Variants in FGFR3 observed in about 807,000 individuals in gnomAD.
FGFR3 encodes the protein fibroblast growth factor receptor 3, also known as FGFR-3.
FGFR3 carries 25 observed loss-of-function variants against 82.9 expected under a neutral mutation model. The observed-to-expected ratio is 0.30, with a 90% CI of 0.22 to 0.42. FGFR3 has a LOEUF of 0.42. Ranked by LOEUF, FGFR3 falls within the 10% of genes least tolerant of loss-of-function variation. FGFR3 has a pLI of 1.00. For missense variants in FGFR3, 1,026 were observed against 1,161.0 expected (o/e 0.88, Z 1.69); for synonymous variants, 620 against 516.0 (o/e 1.20, Z -2.73).
At chr4:1,795,698 C>T (rs968964059) in intron 2 of FGFR3, among the ~76,000 whole-genome samples, 29 of 152,176 alleles carry the variant, frequency 1.9e-4, no homozygotes, top group Admixed American at 1.9e-3. Flanking sequence ...CCCCCATCTC[C>T]CCAGGGGGCC....
chr4:1,795,043 A>G (rs1021617632), intron 2 of FGFR3, among the ~76,000 whole-genome samples: 3 of 151,542 alleles, frequency 2.0e-5, no homozygotes, highest in Admixed American at 6.6e-5. Flanking sequence ...GGGCCGAGGC[A>G]GATGGCGTCC....
Position 1,808,636 on chromosome 4 carries a change from T to TG in FGFR3, c.*1375dup, listed in dbSNP as rs953414840. Reference sequence around the variant, plus strand: ...GCTTCTAGAGTTTTATAGCCTGGACTGCTACCTTTCAAAGCTTGGAGGGAA... The same window carrying TG: ...GCTTCTAGAGTTTTATAGCCTGGACTGGCTACCTTTCAAAGCTTGGAGGGAA... On this transcript the variant is annotated 3_prime_UTR_variant, in exon 18 of 18. Transcript: ENST00000440486. 2 of 231,730 alleles carry TG rather than the reference T, an allele frequency of 8.6e-6. No individual in the cohort carries two copies. The highest frequency in any genetic ancestry group is 1.7e-5 in the Non-Finnish European group (2 of 116,914). The allele number at this position is 231,730 out of a possible 1,614,324, so 14.4% of individuals were successfully genotyped here. A position where few individuals can be genotyped will look rare whatever the true frequency, so the allele number is the denominator to read the frequency against.
At chr4:1,795,317 G>T (rs761262861) in intron 2 of FGFR3, among the ~76,000 whole-genome samples, 6 of 152,026 alleles carry the variant, frequency 3.9e-5, no homozygotes, top group Non-Finnish European at 8.8e-5. Flanking sequence ...TACGGCCCGG[G>T]AATGTCAGCC....
rs61735103 is a variant in FGFR3, at chr4:1,805,653, C to T, written c.1629C>T (p.Gly543=). Residue 543 remains glycine, a synonymous_variant, in exon 12 of 18, where the codon GGC becomes GGT. Coordinates refer to ENST00000440486, the MANE Select transcript of FGFR3 (RefSeq NM_000142.5). ...GKHKNIINLL[G]ACTQGGPLYV... ...ACAAAAACATCATCAACCTGCTGGG[C>T]GCCTGCACGCAGGGCGGTAGGTGCG... The T allele has an allele frequency of 3.7e-5, 60 of 1,612,844 alleles. No individual in the cohort carries two copies. Among genetic ancestry groups the T allele is most frequent in the Admixed American group, 1.5e-4 (9 of 59,988 alleles).
intron 17 of FGFR3, 32 bp downstream of exon 17, chr4:1,806,966 C>G (rs184555028): frequency 6.3e-7 from 1 of 1,578,022 alleles, no homozygotes; most frequent in Admixed American, 1.8e-5. Context: ...GTGCCACCCG[C>G]CTATGCCCCT....
intron 17 of FGFR3, 35 bp from the exon 18 acceptor site, chr4:1,807,081 G>C (rs1182706612): frequency 6.4e-7 from 1 of 1,557,516 alleles, no homozygotes. Context: ...AGAGGGGCTC[G>C]GTGGCACAGC....
Position 1,805,415 on chromosome 4 carries a change from C to T in FGFR3, c.1473C>T (p.Ala491=), listed in dbSNP as rs1721760620. The T allele has an allele frequency of 3.1e-6, 5 of 1,612,232 alleles. No homozygotes were observed. The African/African-American group carries it at 4.0e-5, about 13-fold the overall frequency. The stretch of plus-strand genomic sequence containing the variant: ...TCGGCCAGGTGGTCATGGCGGAGGC[C>T]ATCGGCATTGACAAGGACCGGGCCG... ...GCFGQVVMAE[A]IGIDKDRAAK... The change falls in exon 11 of 18, where the codon GCC becomes GCT. Residue 491 remains alanine, a synonymous_variant. Transcript: ENST00000440486.
chr4:1,803,959 C>T, intron 8 of FGFR3, 123 bp downstream of exon 8: 2 of 1,154,596 alleles, frequency 1.7e-6, no homozygotes, highest in South Asian at 2.5e-5. Flanking sequence ...CTTGAGCCCT[C>T]ACTCCTGGCC....
At chr4:1,794,482 G>C (rs922528717) in intron 2 of FGFR3, among the ~76,000 whole-genome samples, 1 of 152,194 alleles carries the variant, frequency 6.6e-6, no homozygotes, top group Non-Finnish European at 1.5e-5. Context: ...ACTTCTAAGG[G>C]TGGGTGTGCG....
intron 7 of FGFR3, among the ~76,000 whole-genome samples, chr4:1,802,243 G>C (rs3135875): frequency 6.6e-6 from 1 of 152,108 alleles, no homozygotes; most frequent in Admixed American, 6.5e-5. Context: ...CAGAGGGCCA[G>C]CCTCAGCCAC....
intron 2 of FGFR3, among the ~76,000 whole-genome samples, chr4:1,797,393 G>A (rs556035110): frequency 3.9e-5 from 6 of 152,332 alleles, no homozygotes; most frequent in South Asian, 4.1e-4. Context: ...CAGGCAGTGG[G>A]GGGGGCAGTC....
Position 1,806,701 on chromosome 4 carries a change from C to G in FGFR3, c.2168+18C>G, listed in dbSNP as rs766883285. On this transcript the variant is annotated intron_variant, in intron 16 of 17. Transcript: ENST00000440486. ...CACGACCTGTGAGTGGCATCCCTGG[C>G]CCTCCACTGGGTCCTCAGGGGTGGG... 1.2e-6 allele frequency: 2 copies of G among 1,611,272 alleles called. No homozygotes were observed. The highest frequency in any genetic ancestry group is 3.3e-5 in the Admixed American group (2 of 59,990).
intron 2 of FGFR3, among the ~76,000 whole-genome samples, chr4:1,798,431 G>A (rs750707016): frequency 4.1e-4 from 62 of 151,922 alleles, no homozygotes; most frequent in Non-Finnish European, 6.5e-4. Context: ...ACCCAGCGCC[G>A]TGTTTGTACT....
Position 1,805,907 on chromosome 4 carries a change from G to C in FGFR3, c.1803G>C (p.Val601=). 1.2e-6 allele frequency: 2 copies of C among 1,611,886 alleles called. No individual in the cohort carries two copies. Among genetic ancestry groups the C allele is most frequent in the Admixed American group, 3.3e-5 (2 of 59,976 alleles). Residue 601 remains valine, a synonymous_variant, in exon 13 of 18, where the codon GTG becomes GTC. Transcript: ENST00000440486. ...FKDLVSCAYQ[V]ARGMEYLASQ... is the part of the protein sequence containing the mutation. Reference sequence around the variant, plus strand: ...ACCTGGTGTCCTGTGCCTACCAGGTGGCCCGGGGCATGGAGTACTTGGCCT... The same window carrying C: ...ACCTGGTGTCCTGTGCCTACCAGGTCGCCCGGGGCATGGAGTACTTGGCCT...
In FGFR3 at chr4:1,805,543, C is replaced by T. The variant is rs764005624; in HGVS notation, c.1535-16C>T. On this transcript the variant is annotated splice_polypyrimidine_tract_variant and intron_variant, in intron 11 of 17. Coordinates refer to ENST00000440486, the MANE Select transcript of FGFR3 (RefSeq NM_000142.5). Reference sequence around the variant, plus strand: ...CGCCGCCGCCGCCTGACACAGGCCCCCCGCTCCGTGCACAGACGATGCCAC... The same window carrying T: ...CGCCGCCGCCGCCTGACACAGGCCCTCCGCTCCGTGCACAGACGATGCCAC... The T allele has an allele frequency of 1.5e-5, 24 of 1,612,794 alleles. No individual in the cohort carries two copies. The highest frequency in any genetic ancestry group is 8.5e-7 in the Non-Finnish European group (1 of 1,179,816).
rs1165602005 is a variant in FGFR3 at position 1,807,193 on chromosome 4, G to A, written c.2352G>A (p.Gly784=). The change falls in exon 18 of 18, where the codon GGG becomes GGA. Residue 784 remains glycine (G), a synonymous_variant. Transcript: ENST00000440486. The part of the protein sequence containing the change: ...GQDTPSSSSS[G]DDSVFAHDLL... ...ACACCCCCAGCTCCAGCTCCTCAGG[G>A]GACGACTCCGTGTTTGCCCACGACC... The A allele has an allele frequency of 6.8e-6, 11 of 1,607,456 alleles. No individual in the cohort carries two copies. Among genetic ancestry groups the A allele is most frequent in the Non-Finnish European group, 9.3e-6 (11 of 1,177,828 alleles).
chr4:1,801,355 C>A lies in FGFR3; in HGVS notation c.446-12C>A, dbSNP rs1281123106. The A allele has an allele frequency of 6.5e-7, 1 of 1,549,952 alleles. No homozygotes were observed. The highest frequency in any genetic ancestry group is 8.7e-7 in the Non-Finnish European group (1 of 1,149,526). On this transcript the variant is annotated splice_polypyrimidine_tract_variant and intron_variant, in intron 4 of 17. Transcript: ENST00000440486. ...CTCGGGTCATGGCCTTCACACGCAC[C>A]TCGGCCCGCAGGGGCCCCTTACTGG...
chr4:1,796,079 G>A (rs1034607268), intron 2 of FGFR3, among the ~76,000 whole-genome samples: 6 of 152,176 alleles, frequency 3.9e-5, no homozygotes, highest in African/African-American at 4.8e-5. Context: ...TGGAGGACGG[G>A]GATCTAAAGT....
rs1349433800 is a variant in FGFR3 at position 1,805,776 on chromosome 4, G to A, written c.1672G>A (p.Ala558Thr). Residue 558 changes from alanine to threonine, a missense_variant, in exon 13 of 18, where the codon GCG (alanine) becomes ACG (threonine). Physicochemically the swap from Ala to Thr is moderately conservative, Grantham distance 58. This residue lies in a region of FGFR3 where 164 missense variants were observed against 167.5 expected (regional missense o/e 0.98). Transcript: ENST00000440486. ...GGPLYVLVEY[A>T]AKGNLREFLR... ...GCCCCTGTACGTGCTGGTGGAGTAC[G>A]CGGCCAAGGGTAACCTGCGGGAGTT... The A allele has an allele frequency of 6.2e-7, 1 of 1,612,612 alleles. No homozygotes were observed. Among genetic ancestry groups the A allele is most frequent in the East Asian group, 2.2e-5 (1 of 44,870 alleles).
Sources: allele counts gnomAD v4.1 joint callset (sites outside exome capture counted in the v4.1 genomes callset), GRCh38; gene constraint gnomAD v4.1.1; regional missense constraint gnomAD v4.1.1; transcripts MANE v1.5; gene names NCBI Gene and HGNC (gene_info 2026-07-23, HGNC 2026-07-21).